Variants in UBFD1 observed in about 807,000 individuals in gnomAD.
UBFD1 encodes the protein ubiquitin family domain containing 1, also known as ubiquitin domain-containing protein UBFD1.
UBFD1 carries 12 observed loss-of-function variants against 35.1 expected under a neutral mutation model. The observed-to-expected ratio is 0.34, with a 90% confidence interval of 0.22 to 0.55. The LOEUF (loss-of-function observed/expected upper bound fraction) is 0.55, where lower values mean the gene tolerates loss of function less well. Among genes scored for constraint, UBFD1 ranks in the 20% least tolerant of loss-of-function variants. The pLI is 0.89. For missense variants in UBFD1, 337 were observed against 410.8 expected, an observed-to-expected ratio of 0.82 and a Z score of 1.55; for synonymous variants, 178 against 167.6, an observed-to-expected ratio of 1.06 and a Z score of -0.48.
In UBFD1 at chr16:23,570,351, G is replaced by T. The variant is rs192781557; in HGVS notation, c.820-129G>T. 179 of 708,286 alleles carry T rather than the reference G, an allele frequency of 2.5e-4. No individual in the cohort carries two copies. The East Asian group carries it at 4.5e-3, about 18-fold the overall frequency. The allele number at this position is 708,286 out of a possible 1,614,324, so 43.9% of individuals were successfully genotyped here. A position where few individuals can be genotyped will look rare whatever the true frequency, so the allele number is the denominator to read the frequency against. On this transcript the variant is annotated intron_variant, in intron 6 of 6. Coordinates refer to ENST00000395878, the MANE Select transcript of UBFD1 (RefSeq NM_019116.3). Reference sequence around the variant, plus strand: ...TTTTGGTTGGGAGAATGCTCCCCACGTGCAAAGTTTTGTTTGGTTTTTCTT... The same window carrying T: ...TTTTGGTTGGGAGAATGCTCCCCACTTGCAAAGTTTTGTTTGGTTTTTCTT...
intron 5 of UBFD1, chr16:23,566,211 A>G (rs908302551): frequency 6.6e-6 from 1 of 151,956 alleles, no homozygotes; most frequent in Non-Finnish European, 1.5e-5. Context: ...CTAGCCCTAA[A>G]ATCCAGGCAC....
chr16:23,567,085 T>G lies in UBFD1; in HGVS notation c.819+16T>G. On this transcript the variant is annotated intron_variant, in intron 6 of 6. Coordinates refer to ENST00000395878, the MANE Select transcript of UBFD1 (RefSeq NM_019116.3). ...CCACATGATGGTAAGTAGCGCTGGC[T>G]GAGTTCAGCCCCTCTCACTAGACTC... 1 of 1,613,096 alleles carries G rather than the reference T, an allele frequency of 6.2e-7. No individual in the cohort carries two copies.
At chr16:23,561,031 A>T (rs1965925233) in intron 3 of UBFD1, among the ~76,000 whole-genome samples, 1 of 152,222 alleles carries the variant, frequency 6.6e-6, no homozygotes, top group East Asian at 1.9e-4. Context: ...CAGGCTTAGA[A>T]CTGTTCTCCA....
chr16:23,567,929 G>T (rs1966032803), intron 6 of UBFD1, among the ~76,000 whole-genome samples: 1 of 152,248 alleles, frequency 6.6e-6, no homozygotes, highest in Non-Finnish European at 1.5e-5. Context: ...GGGATAACAA[G>T]TCCCAGGCAG....
chr16:23,559,212 T>C, intron 2 of UBFD1: 1 of 357,552 alleles, frequency 2.8e-6, no homozygotes, highest in South Asian at 3.1e-5. Context: ...AATTATTCAA[T>C]GCTAGCCACC....
In UBFD1 at chr16:23,572,922, A is replaced by C. The variant is rs1368216473; in HGVS notation, c.*2332A>C. 1.3e-5 allele frequency: 2 copies of C among 152,192 alleles called. No homozygotes were observed. The highest frequency in any genetic ancestry group is 3.9e-4 in the East Asian group (2 of 5,184). The allele number at this position is 152,192 out of a possible 1,614,324, so 9.4% of individuals were successfully genotyped here. ...CTGTCTGCATGGAAGACCTTGCTGG[A>C]CGCTCTCGGGAGAGCAGACATAGCA... On this transcript the variant is annotated 3_prime_UTR_variant, in exon 7 of 7. Coordinates refer to ENST00000395878, the MANE Select transcript of UBFD1 (RefSeq NM_019116.3).
At chr16:23,559,402 G>A in intron 2 of UBFD1, 66 bp from the exon 3 acceptor site, 9 of 1,426,672 alleles carry the variant, frequency 6.3e-6, no homozygotes, top group Non-Finnish European at 8.7e-6. Flanking sequence ...CCAAAGAGCT[G>A]TGTAGTATCC....
At chr16:23,570,087 G>A (rs1047342580) in intron 6 of UBFD1, among the ~76,000 whole-genome samples, 2 of 152,184 alleles carry the variant, frequency 1.3e-5, no homozygotes, top group South Asian at 2.1e-4. Flanking sequence ...ATGTGTGACA[G>A]GTTTTCTAGG....
At chr16:23,559,697 T>C in intron 3 of UBFD1, 21 bp downstream of exon 3, 1 of 1,613,988 alleles carries the variant, frequency 6.2e-7, no homozygotes, top group Non-Finnish European at 8.5e-7. Context: ...CTTGTGCTTC[T>C]TGGTCTTGAG....
rs1478014397 is a variant in UBFD1 at position 23,570,556 on chromosome 16, A to G, written c.896A>G (p.Lys299Arg). ...WVPTQYVDAI[K>R]DTVLGKWQYF is the part of the protein sequence containing the mutation. The stretch of plus-strand genomic sequence containing the variant: ...CCAACTCAATATGTGGATGCAATCA[A>G]AGACACTGTGCTGGGGAAATGGCAG... The change falls in exon 7 of 7, where the codon AAA becomes AGA. Residue 299 changes from lysine (K) to arginine (R), a missense_variant. Lys to Arg is a conservative substitution (Grantham distance 26). Transcript: ENST00000395878. 1 of 1,614,034 alleles carries G rather than the reference A, an allele frequency of 6.2e-7. No homozygotes were observed. The highest frequency in any genetic ancestry group is 8.5e-7 in the Non-Finnish European group (1 of 1,180,016).
Position 23,562,702 on chromosome 16 carries a change from A to T in UBFD1, c.708A>T (p.Glu236Asp). ...GGKVRLTFKL[E>D]QDQLWIGTKE... Reference sequence around the variant, plus strand: ...AAGTGAGACTCACCTTTAAACTAGAACAAGACCAGCTGTGGATTGGCACTA... The same window carrying T: ...AAGTGAGACTCACCTTTAAACTAGATCAAGACCAGCTGTGGATTGGCACTA... The change falls in exon 5 of 7, where the codon GAA (glutamate) becomes GAT (aspartate). Residue 236 changes from glutamate (E) to aspartate (D), a missense_variant. Physicochemically the swap from Glu to Asp is conservative, Grantham distance 45. Transcript: ENST00000395878. 6.2e-7 allele frequency: 1 copy of T among 1,614,176 alleles called. No individual in the cohort carries two copies. Among genetic ancestry groups the T allele is most frequent in the Non-Finnish European group, 8.5e-7 (1 of 1,180,018 alleles).
chr16:23,570,438 C>T (rs747903870), intron 6 of UBFD1, 42 bp from the exon 7 acceptor site: 59 of 1,496,832 alleles, frequency 3.9e-5, no homozygotes, highest in East Asian at 2.0e-4. Context: ...CTTGGTCTCC[C>T]GACCTCTGAA....
chr16:23,566,953 C>A, intron 5 of UBFD1, 34 bp from the exon 6 acceptor site: 1 of 1,607,664 alleles, frequency 6.2e-7, no homozygotes, highest in South Asian at 1.1e-5. Context: ...CAGGAGGGCC[C>A]TTTGAATAAT....
chr16:23,559,888 A>C, intron 3 of UBFD1: 4 of 1,528,886 alleles, frequency 2.6e-6, no homozygotes, highest in Non-Finnish European at 3.5e-6. Context: ...TCTCAAGTCT[A>C]CCTACTTTAG....
intron 2 of UBFD1, among the ~76,000 whole-genome samples, chr16:23,558,641 C>T (rs913019972): frequency 6.6e-6 from 1 of 152,150 alleles, no homozygotes; most frequent in African/African-American, 2.4e-5. Flanking sequence ...TTATTTTTAG[C>T]AAATATCTTA....
At chr16:23,564,883 T>G (rs1398298692) in intron 5 of UBFD1, 1 of 152,210 alleles carries the variant, frequency 6.6e-6, no homozygotes, top group Non-Finnish European at 1.5e-5. Flanking sequence ...CCTTCCTGCT[T>G]TGGCCTAAAG....
rs948405967 is a variant in UBFD1 at position 23,562,837 on chromosome 16, C to T, written c.736+107C>T. 4.2e-6 allele frequency: 4 copies of T among 960,334 alleles called. No homozygotes were observed. The African/African-American group carries it at 6.5e-5, about 16-fold the overall frequency. 59.5% of individuals were successfully genotyped at this position (960,334 alleles called of 1,614,324 possible). ...CCCCTCCTTCTGAAACCTCTCTCTC[C>T]ACTGTGCTTTGCTTGCTTCTGGCTT... On this transcript the variant is annotated intron_variant, in intron 5 of 6. Coordinates refer to ENST00000395878, the MANE Select transcript of UBFD1 (RefSeq NM_019116.3).
chr16:23,568,193 C>T (rs1008563827), intron 6 of UBFD1, among the ~76,000 whole-genome samples: 1 of 144,572 alleles, frequency 6.9e-6, no homozygotes, highest in Non-Finnish European at 1.5e-5. Flanking sequence ...CGGAATCTCG[C>T]TCTGTCACCA....
Position 23,573,520 on chromosome 16 carries a change from T to A in UBFD1, c.*2930T>A, listed in dbSNP as rs1185390573. On this transcript the variant is annotated 3_prime_UTR_variant, in exon 7 of 7. Coordinates refer to ENST00000395878, the MANE Select transcript of UBFD1 (RefSeq NM_019116.3). Reference sequence around the variant, plus strand: ...GCGAGTTGCTGGACCTCTTTGGTATTAAGTGTTTGAATCCATGGTGGGCCT... The same window carrying A: ...GCGAGTTGCTGGACCTCTTTGGTATAAAGTGTTTGAATCCATGGTGGGCCT... 1.3e-5 allele frequency: 2 copies of A among 152,568 alleles called. No homozygotes were observed. The highest frequency in any genetic ancestry group is 2.4e-5 in the African/African-American group (1 of 41,456). The allele number at this position is 152,568 out of a possible 1,614,324, so 9.5% of individuals were successfully genotyped here.
Sources: gnomAD v4.1 joint callset for allele counts (sites outside exome capture counted in the v4.1 genomes callset) on GRCh38, gnomAD v4.1.1 for gene constraint, MANE v1.5 for transcripts, NCBI Gene and HGNC (gene_info 2026-07-23, HGNC 2026-07-21) for gene names.